The following SORCS1 variants were observed in gnomAD, a reference collection of about 807,000 sequenced individuals.
SORCS1 encodes the protein sortilin related VPS10 domain containing receptor 1.
SORCS1 carries 60 observed loss-of-function variants against 146.1 expected under a neutral mutation model. The ratio of observed to expected loss-of-function variants is 0.41; its 90% CI spans 0.33 to 0.51. SORCS1 has a LOEUF of 0.51. Ranked by LOEUF, SORCS1 falls within the 20% of genes least tolerant of loss-of-function variation. SORCS1 has a pLI of 0.21. For missense variants in SORCS1, 1,352 were observed against 1,487.6 expected (o/e 0.91, Z 1.50); for synonymous variants, 637 against 584.0 (o/e 1.09, Z -1.31).
chr10:106,578,990 G>A, intron 25 of SORCS1: 2 of 1,493,692 alleles, frequency 1.3e-6, no homozygotes, highest in South Asian at 1.4e-5. Context: ...AGGGGTGTTA[G>A]AGCAAAAGAA....
intron 8 of SORCS1, among the ~76,000 whole-genome samples, chr10:106,702,556 T>C (rs997281939): frequency 6.6e-6 from 1 of 152,228 alleles, no homozygotes; most frequent in Non-Finnish European, 1.5e-5. Flanking sequence ...CTAGGTCACT[T>C]AGAGAACTAA....
chr10:106,659,635 T>C (rs1850571354), intron 17 of SORCS1, among the ~76,000 whole-genome samples: 1 of 152,108 alleles, frequency 6.6e-6, no homozygotes, highest in Admixed American at 6.5e-5. Context: ...GGAAACACAG[T>C]TTAGAGAGTT....
At chr10:107,163,711 C>T (rs1350677724) in intron 1 of SORCS1, among the ~76,000 whole-genome samples, 1 of 152,068 alleles carries the variant, frequency 6.6e-6, no homozygotes, top group Non-Finnish European at 1.5e-5. Flanking sequence ...GCGACCAAGG[C>T]AACAGGAAAT....
chr10:107,023,694 T>C (rs1958255544), intron 1 of SORCS1, among the ~76,000 whole-genome samples: 1 of 152,030 alleles, frequency 6.6e-6, no homozygotes, highest in South Asian at 2.1e-4. Flanking sequence ...GTCAAAAAGG[T>C]CATGGAACCT....
chr10:106,917,283 C>G (rs1334160741), intron 2 of SORCS1, among the ~76,000 whole-genome samples: 1 of 152,184 alleles, frequency 6.6e-6, no homozygotes, highest in Non-Finnish European at 1.5e-5. Flanking sequence ...TTCTTGAGGA[C>G]TGGCACTACA....
Position 106,709,267 on chromosome 10 carries a change from C to A in SORCS1, c.1099G>T (p.Asp367Tyr). ...TCCTGAACAATCAAAGAGTCTGGGT[C>A]AATGTAGCCTGGAAAAGGCTGATTC... ...NRNQPFPGYI[D>Y]PDSLIVQDHY... Residue 367 changes from aspartate to tyrosine, a missense_variant, in exon 7 of 26, where the codon GAC becomes TAC. By Grantham distance (160) the Asp-to-Tyr change is radical. Coordinates refer to ENST00000263054, the MANE Select transcript of SORCS1 (RefSeq NM_052918.5). 1 of 1,613,740 alleles carries A rather than the reference C, an allele frequency of 6.2e-7. No individual in the cohort carries two copies. The highest frequency in any genetic ancestry group is 1.1e-5 in the South Asian group (1 of 91,044).
At chr10:106,710,188 C>A (rs1854868783) in intron 6 of SORCS1, among the ~76,000 whole-genome samples, 1 of 152,128 alleles carries the variant, frequency 6.6e-6, no homozygotes, top group South Asian at 2.1e-4. Flanking sequence ...GTGGCTCATG[C>A]CTGTAATCCC....
At chr10:106,836,569 C>T (rs190239624) in intron 2 of SORCS1, among the ~76,000 whole-genome samples, 2 of 151,798 alleles carry the variant, frequency 1.3e-5, no homozygotes, top group East Asian at 1.9e-4. Context: ...CAAAAGCCAC[C>T]GGGAGAAATC....
At chr10:107,075,948 C>G (rs1962846643) in intron 1 of SORCS1, among the ~76,000 whole-genome samples, 1 of 151,926 alleles carries the variant, frequency 6.6e-6, no homozygotes, top group Non-Finnish European at 1.5e-5. Flanking sequence ...CTTCTGATGT[C>G]CTTTTTGAGA....
At chr10:106,993,904 C>G (rs897289089) in intron 1 of SORCS1, among the ~76,000 whole-genome samples, 1 of 151,792 alleles carries the variant, frequency 6.6e-6, no homozygotes, top group Admixed American at 6.6e-5. Flanking sequence ...GAAACCCCAT[C>G]TCTACCAAAA....
rs34184443 is a variant in SORCS1, at chr10:107,092,883, G to GAAAA, written c.558+71082_558+71085dup. 3.7e-3 allele frequency among the ~76,000 whole-genome samples: 230 copies of GAAAA among 61,510 alleles called. 2 individuals carry two copies. Among genetic ancestry groups the GAAAA allele is most frequent in the African/African-American group, 0.013 (207 of 16,100 alleles). 40.4% of individuals were successfully genotyped at this position (61,510 alleles called of 152,430 possible). A position where few individuals can be genotyped will look rare whatever the true frequency, so the allele number is the denominator to read the frequency against. ...GGTTCACGGGCTAAAAGAAGACCATGAAAAAAAAAAAAAAAAAAAAAAACC... is the reference window on the plus strand; with the variant it reads ...GGTTCACGGGCTAAAAGAAGACCATGAAAAAAAAAAAAAAAAAAAAAAAAAAACC... On this transcript the variant is annotated intron_variant, in intron 1 of 25. Coordinates refer to ENST00000263054, the MANE Select transcript of SORCS1 (RefSeq NM_052918.5).
chr10:106,636,814 A>G (rs543437109), intron 18 of SORCS1, among the ~76,000 whole-genome samples: 1 of 152,236 alleles, frequency 6.6e-6, no homozygotes, highest in Non-Finnish European at 1.5e-5. Context: ...ACTAGTTTGA[A>G]TCAGGCTGTT....
intron 3 of SORCS1, among the ~76,000 whole-genome samples, chr10:106,804,005 T>C (rs1947039565): frequency 6.6e-6 from 1 of 152,136 alleles, no homozygotes; most frequent in African/African-American, 2.4e-5. Context: ...TGGGGCCAAT[T>C]TGTGGGGATA....
intron 1 of SORCS1, among the ~76,000 whole-genome samples, chr10:107,074,956 C>A (rs180827286): frequency 2.7e-4 from 41 of 152,162 alleles, no homozygotes; most frequent in African/African-American, 8.2e-4. Context: ...CAGTAACTCA[C>A]CTTTATTGAT....
chr10:106,574,788 A>G lies in SORCS1; in HGVS notation c.*2632T>C, dbSNP rs1195830594. ...TCTCTGAGCAGCACCTTGCCTCACTAATCTCCTACAGATGGGAGGGAGCTT... is the reference window on the plus strand; with the variant it reads ...TCTCTGAGCAGCACCTTGCCTCACTGATCTCCTACAGATGGGAGGGAGCTT... On this transcript the variant is annotated 3_prime_UTR_variant, in exon 26 of 26. Transcript: ENST00000263054. 1.3e-5 allele frequency: 2 copies of G among 152,370 alleles called. No individual in the cohort carries two copies. Among genetic ancestry groups the G allele is most frequent in the South Asian group, 2.1e-4 (1 of 4,826 alleles). 9.4% of individuals were successfully genotyped at this position (152,370 alleles called of 1,614,324 possible).
At chr10:106,620,167 T>G (rs1276697521) in intron 20 of SORCS1, 2 of 330,336 alleles carry the variant, frequency 6.1e-6, no homozygotes, top group South Asian at 7.0e-5. Flanking sequence ...CTGCTAAGAG[T>G]CACTACAAAG....
intron 17 of SORCS1, among the ~76,000 whole-genome samples, chr10:106,662,684 G>C (rs980490575): frequency 6.6e-6 from 1 of 152,160 alleles, no homozygotes; most frequent in Non-Finnish European, 1.5e-5. Flanking sequence ...TGGCATCTGG[G>C]CTTGTCCTTG....
intron 4 of SORCS1, among the ~76,000 whole-genome samples, chr10:106,765,361 C>T (rs1286986862): frequency 6.7e-6 from 1 of 149,674 alleles, no homozygotes; most frequent in Admixed American, 6.7e-5. Context: ...TGACATGTTC[C>T]TCTCCTGAAG....
intron 1 of SORCS1, among the ~76,000 whole-genome samples, chr10:107,026,231 G>A (rs185828113): frequency 6.6e-6 from 1 of 152,180 alleles, no homozygotes; most frequent in African/African-American, 2.4e-5. Context: ...GATTTCTTTA[G>A]GTGAGCAGAA....
Sources: allele counts gnomAD v4.1 joint callset (sites outside exome capture counted in the v4.1 genomes callset), GRCh38; gene constraint gnomAD v4.1.1; transcripts MANE v1.5; gene names NCBI Gene and HGNC (gene_info 2026-07-23, HGNC 2026-07-21).